PITPNM2: variants seen among roughly 807,000 people sequenced by gnomAD.
PITPNM2 encodes membrane-associated phosphatidylinositol transfer protein 2.
PITPNM2 carries 35 observed loss-of-function variants against 132.2 expected under a neutral mutation model. The ratio of observed to expected loss-of-function variants is 0.26; its 90% CI spans 0.20 to 0.35. The LOEUF (loss-of-function observed/expected upper bound fraction) is 0.35, where lower values mean the gene tolerates loss of function less well. PITPNM2 is among the 10% of genes least tolerant of loss of function. The pLI, the probability that PITPNM2 is intolerant of heterozygous loss-of-function variation, is 1.00. For synonymous variants in PITPNM2, 738 were observed against 799.2 expected (o/e 0.92, Z 1.29); for missense variants, 1,332 against 1,912.0 (o/e 0.70, Z 5.66).
chr12:123,036,562 T>C lies in PITPNM2; in HGVS notation c.-95-1877A>G, dbSNP rs1182181722. On this transcript the variant is annotated intron_variant, in intron 2 of 25. Transcript: ENST00000320201. This position sits in a 1 kb window ranked among gnomAD's most constrained non-coding sequence, Gnocchi z 4.1. Reference sequence around the variant, plus strand: ...TTCTCACATCCAGTTGCTTTAAATATAGTCCAAGTGAAGCTCTTTTTTAGC... The same window carrying C: ...TTCTCACATCCAGTTGCTTTAAATACAGTCCAAGTGAAGCTCTTTTTTAGC... Among the ~76,000 whole-genome samples, 2 of 152,224 alleles carry C rather than the reference T, an allele frequency of 1.3e-5. No homozygotes were observed. The highest frequency in any genetic ancestry group is 2.4e-5 in the African/African-American group (1 of 41,458).
chr12:122,988,977 A>G, intron 18 of PITPNM2, 105 bp from the exon 19 acceptor site: 1 of 1,261,078 alleles, frequency 7.9e-7, no homozygotes, highest in Non-Finnish European at 1.0e-6. Context: ...CAGTCCCCCC[A>G]CCAGCTATAG....
intron 1 of PITPNM2, among the ~76,000 whole-genome samples, chr12:123,143,074 G>C (rs2043540007): frequency 6.6e-6 from 1 of 152,160 alleles, no homozygotes; most frequent in South Asian, 2.1e-4. Context: ...ACTGATGAAA[G>C]CTGGGAATAG....
intron 4 of PITPNM2, 145 bp downstream of exon 4, chr12:123,013,683 T>C: frequency 1.0e-6 from 1 of 959,532 alleles, no homozygotes; most frequent in Non-Finnish European, 1.6e-6. Flanking sequence ...GGCACCTGTA[T>C]GGAACAAAGC....
chr12:123,093,016 TAC>T (rs1322861566), intron 2 of PITPNM2, among the ~76,000 whole-genome samples: 24 of 152,338 alleles, frequency 1.6e-4, no homozygotes, highest in African/African-American at 5.8e-4. Context: ...TGTGGTCTTA[TAC>T]ACACAGTGGA....
intron 2 of PITPNM2, among the ~76,000 whole-genome samples, chr12:123,057,564 G>A (rs756829561): frequency 5.3e-5 from 8 of 152,106 alleles, no homozygotes; most frequent in Non-Finnish European, 1.0e-4. Flanking sequence ...AGAGCTGGGC[G>A]GGAGGCAGGA....
In PITPNM2 at chr12:123,013,763, C is replaced by T. The variant is rs2039307819; in HGVS notation, c.293+65G>A. 8 of 1,535,946 alleles carry T rather than the reference C, an allele frequency of 5.2e-6. No homozygotes were observed. The Admixed American group carries it at 1.4e-4, about 27-fold the overall frequency. ...GATCCCATCCCCTGGATCTATGCCA[C>T]AAGATTGCTTCCCGCCAGATGGCAT... is the stretch of plus-strand genomic sequence containing the variant. On this transcript the variant is annotated intron_variant, in intron 4 of 25. Transcript: ENST00000320201.
chr12:123,062,424 A>G (rs2041271022), intron 2 of PITPNM2, among the ~76,000 whole-genome samples: 1 of 152,200 alleles, frequency 6.6e-6, no homozygotes, highest in South Asian at 2.1e-4. Context: ...GGCTGGGGGA[A>G]TCCTGGAGGT....
At position 123,064,734 on chromosome 12, in the gene PITPNM2, A is replaced by G. The variant is rs1414032630; in HGVS notation, c.-95-30049T>C. Among the ~76,000 whole-genome samples the G allele has an allele frequency of 6.6e-6, 1 of 152,208 alleles. No individual in the cohort carries two copies. The highest frequency in any genetic ancestry group is 2.4e-5 in the African/African-American group (1 of 41,454). On this transcript the variant is annotated intron_variant, in intron 2 of 25. Transcript: ENST00000320201. The surrounding 1 kb of genome is among the most constrained non-coding windows in gnomAD (Gnocchi z 4.0). ...CAGGGAAGGTTGTGGGGGTAAGCAC[A>G]TCACCCTCACCCTGCAAAAAAAAGC...
intron 13 of PITPNM2, 55 bp from the exon 14 acceptor site, chr12:122,995,715 T>C: frequency 1.3e-6 from 2 of 1,507,960 alleles, no homozygotes; most frequent in Non-Finnish European, 8.8e-7. Flanking sequence ...TGACCCCTTC[T>C]CCAGTGTCCT....
intron 2 of PITPNM2, among the ~76,000 whole-genome samples, chr12:123,096,311 G>A (rs2045677157): frequency 6.6e-6 from 1 of 152,218 alleles, no homozygotes. Context: ...CTGGTTAAAT[G>A]AGGCCACAGA....
rs2039052168 is a variant in PITPNM2 at position 123,008,861 on chromosome 12, T to C, written c.643+989A>G. On this transcript the variant is annotated intron_variant, in intron 6 of 25. Coordinates refer to ENST00000320201, the MANE Select transcript of PITPNM2 (RefSeq NM_020845.3). The surrounding 1 kb of genome is among the most constrained non-coding windows in gnomAD (Gnocchi z 4.1). Reference sequence around the variant, plus strand: ...GTCCTTGGACCCCAATCCTTTCGGGTACACATCCACCCTTCCCTTGGGGTC... The same window carrying C: ...GTCCTTGGACCCCAATCCTTTCGGGCACACATCCACCCTTCCCTTGGGGTC... 6.6e-6 allele frequency among the ~76,000 whole-genome samples: 1 copy of C among 152,210 alleles called. No homozygotes were observed. The highest frequency in any genetic ancestry group is 6.5e-5 in the Admixed American group (1 of 15,288).
chr12:123,029,796 A>T (rs948523018), intron 3 of PITPNM2, among the ~76,000 whole-genome samples: 1 of 151,072 alleles, frequency 6.6e-6, no homozygotes, highest in Non-Finnish European at 1.5e-5. Flanking sequence ...GCTTGCATGT[A>T]CATATGTTGT....
intron 24 of PITPNM2, 38 bp downstream of exon 24, chr12:122,986,608 C>T (rs1461809795): frequency 1.2e-6 from 2 of 1,601,942 alleles, no homozygotes; most frequent in Non-Finnish European, 8.5e-7. Context: ...GGTCCCTCTG[C>T]CCCCACCCCT....
chr12:123,019,920 G>T (rs371973342), intron 3 of PITPNM2, among the ~76,000 whole-genome samples: 1 of 152,120 alleles, frequency 6.6e-6, no homozygotes, highest in East Asian at 1.9e-4. Context: ...GCACTCACCA[G>T]GCAGGGGTGG....
intron 1 of PITPNM2, among the ~76,000 whole-genome samples, chr12:123,126,030 C>T (rs1324886601): frequency 6.6e-6 from 1 of 150,916 alleles, no homozygotes; most frequent in Admixed American, 6.6e-5. Flanking sequence ...CCACCACGCC[C>T]AGCTAATTTT....
intron 16 of PITPNM2, among the ~76,000 whole-genome samples, chr12:122,991,522 T>C (rs532294217): frequency 1.3e-5 from 2 of 152,304 alleles, no homozygotes; most frequent in Non-Finnish European, 1.5e-5. Context: ...GCCTCTGCTG[T>C]CTCTGAGCTG....
intron 2 of PITPNM2, among the ~76,000 whole-genome samples, chr12:123,039,792 T>C (rs1330954419): frequency 1.3e-5 from 2 of 152,134 alleles, no homozygotes; most frequent in African/African-American, 2.4e-5. Flanking sequence ...AAGGGGCATA[T>C]GGGAACTCCG....
At chr12:123,052,383 G>C (rs558052604) in intron 2 of PITPNM2, among the ~76,000 whole-genome samples, 1 of 152,216 alleles carries the variant, frequency 6.6e-6, no homozygotes, top group African/African-American at 2.4e-5. Flanking sequence ...GAAGGTGTCA[G>C]TAAGGCTGGT....
chr12:123,094,217 G>C (rs2042346261), intron 2 of PITPNM2, among the ~76,000 whole-genome samples: 1 of 152,224 alleles, frequency 6.6e-6, no homozygotes, highest in African/African-American at 2.4e-5. Context: ...ACCAGTACAG[G>C]GCTGGCTGTA....
Sources: gnomAD v4.1 joint callset for allele counts (sites outside exome capture counted in the v4.1 genomes callset) on GRCh38, gnomAD v4.1.1 for gene constraint, Gnocchi (gnomAD v3.1) non-coding constraint, MANE v1.5 for transcripts, NCBI Gene and HGNC (gene_info 2026-07-23, HGNC 2026-07-21) for gene names.